The following BCAR3 variants were observed in gnomAD, a reference collection of about 807,000 sequenced individuals.
BCAR3 encodes BCAR3 adaptor protein, NSP family member, also known as breast cancer anti-estrogen resistance protein 3.
A neutral mutation model predicts 80.1 loss-of-function variants in BCAR3; 37 were observed. The ratio of observed to expected loss-of-function variants is 0.46; its 90% CI spans 0.36 to 0.61. BCAR3 has a LOEUF of 0.61. Ranked by LOEUF, BCAR3 falls within the 20% of genes least tolerant of loss-of-function variation. The pLI is 0.00. For missense variants in BCAR3, 978 were observed against 1,068.2 expected (o/e 0.92, Z 1.18); for synonymous variants, 389 against 418.9 (o/e 0.93, Z 0.87).
At chr1:93,811,613 T>C (rs148641383) in intron 2 of BCAR3, among the ~76,000 whole-genome samples, 83 of 152,362 alleles carry the variant, frequency 5.4e-4, no homozygotes, top group South Asian at 3.7e-3. Context: ...CCATTTTCCA[T>C]TCTTTGGAAA....
chr1:93,587,701 C>CAAAA (rs71586802), intron 5 of BCAR3, among the ~76,000 whole-genome samples: 2,230 of 143,226 alleles, frequency 0.016, 26 homozygotes, highest in Non-Finnish European at 0.023. Context: ...ACCCCCCCGC[C>CAAAA]AAAAAAAAAA....
intron 2 of BCAR3, among the ~76,000 whole-genome samples, chr1:93,830,047 C>T (rs1205775473): frequency 6.6e-6 from 1 of 152,256 alleles, no homozygotes; most frequent in Non-Finnish European, 1.5e-5. Flanking sequence ...CTTGCTCCCT[C>T]TTTGCCTTCC....
At chr1:93,774,038 G>A (rs972627211) in intron 2 of BCAR3, among the ~76,000 whole-genome samples, 3 of 152,160 alleles carry the variant, frequency 2.0e-5, no homozygotes, top group African/African-American at 7.2e-5. Context: ...TCCCTTTAAA[G>A]TAAGCATATG....
intron 11 of BCAR3, among the ~76,000 whole-genome samples, chr1:93,562,726 C>T (rs992646751): frequency 1.0e-4 from 14 of 139,750 alleles, no homozygotes; most frequent in East Asian, 4.3e-4. Flanking sequence ...AGCGAGACTG[C>T]GCCACTGCAC....
At chr1:93,734,809 T>A (rs368724492) in intron 2 of BCAR3, among the ~76,000 whole-genome samples, 1 of 152,166 alleles carries the variant, frequency 6.6e-6, no homozygotes, top group Admixed American at 6.5e-5. Context: ...TCTGACACCA[T>A]GTTAAGGCAG....
chr1:93,801,309 G>C lies in BCAR3; in HGVS notation c.-63+44258C>G, dbSNP rs74864134. On this transcript the variant is annotated intron_variant, in intron 2 of 13. Transcript: ENST00000370244. ...GCGGCTTCGTTGTCTTTCTTATTCT[G>C]TATAACTGGCCAATTTATCGCAAGT... 9.9e-5 allele frequency among the ~76,000 whole-genome samples: 15 copies of C among 152,246 alleles called. No individual in the cohort carries two copies. In the East Asian group the frequency reaches 2.9e-3, roughly 29 times the overall value.
Position 93,675,275 on chromosome 1 carries a change from G to A in BCAR3, c.-11-334C>T, listed in dbSNP as rs556065702. Among the ~76,000 whole-genome samples, 64 of 152,190 alleles carry A rather than the reference G, an allele frequency of 4.2e-4. 1 individual carries two copies. Among genetic ancestry groups the A allele is most frequent in the South Asian group, 8.3e-4 (4 of 4,834 alleles). On this transcript the variant is annotated intron_variant, in intron 1 of 11. Coordinates refer to ENST00000260502, the MANE Select transcript of BCAR3 (RefSeq NM_003567.4). ...CTCATAGTTGCAGTAATAAATGTAC[G>A]AAAGAAAATATTATAAACTGTTAGA...
Position 93,818,072 on chromosome 1 carries a change from T to C in BCAR3, c.-63+27495A>G, listed in dbSNP as rs139173554. Among the ~76,000 whole-genome samples, 789 of 152,378 alleles carry C rather than the reference T, an allele frequency of 5.2e-3. 2 individuals carry two copies. Among genetic ancestry groups the C allele is most frequent in the Non-Finnish European group, 8.8e-3 (597 of 68,040 alleles). On this transcript the variant is annotated intron_variant, in intron 2 of 13. Transcript: ENST00000370244. ...TGAGTGTTAACCACGTGCCACTTTATGGTACTCTTAATACTGCTGACTTTG... is the reference window on the plus strand; with the variant it reads ...TGAGTGTTAACCACGTGCCACTTTACGGTACTCTTAATACTGCTGACTTTG...
At chr1:93,584,467 T>G (rs1434657512) in intron 5 of BCAR3, among the ~76,000 whole-genome samples, 3 of 152,232 alleles carry the variant, frequency 2.0e-5, no homozygotes, top group Non-Finnish European at 4.4e-5. Context: ...TGTGTACTTT[T>G]AACAGAGCCT....
Position 93,589,020 on chromosome 1 carries a change from C to CGAGA in BCAR3, c.885_886insTCTC (p.Val296SerfsTer23). ...GGCAAATTCTGCTCTCGGGCCTGGA[C>CGAGA]GCCACCCATGGTGAGGCTCAGCCTC... On this transcript the variant is annotated frameshift_variant, in exon 5 of 12. Coordinates refer to ENST00000260502, the MANE Select transcript of BCAR3 (RefSeq NM_003567.4). LOFTEE classifies it high-confidence loss of function. 6.3e-7 allele frequency: 1 copy of CGAGA among 1,599,898 alleles called. No homozygotes were observed. Among genetic ancestry groups the CGAGA allele is most frequent in the South Asian group, 1.1e-5 (1 of 89,908 alleles).
intron 5 of BCAR3, among the ~76,000 whole-genome samples, chr1:93,587,281 C>T (rs1053099938): frequency 6.6e-6 from 1 of 152,198 alleles, no homozygotes; most frequent in African/African-American, 2.4e-5. Context: ...CCACCTTAGC[C>T]TCCCAAAGTG....
chr1:93,719,343 T>G (rs1489334649), intron 2 of BCAR3, among the ~76,000 whole-genome samples: 1 of 130,832 alleles, frequency 7.6e-6, no homozygotes, highest in Non-Finnish European at 1.6e-5. Context: ...TGTTTTTTTT[T>G]TTTTTTTTTT....
Position 93,588,991 on chromosome 1 carries a change from C to T in BCAR3, c.915G>A (p.Arg305=), listed in dbSNP as rs769297779. The stretch of plus-strand genomic sequence containing the variant: ...CCCTGACCTACCTGAGGAGGTTTCC[C>T]CTGGGCAAATTCTGCTCTCGGGCCT... ...GVQAREQNLP[R]GNLLRNKEKS... is the part of the protein sequence containing the mutation. The change falls in exon 5 of 12, where the codon AGG becomes AGA. Residue 305 remains arginine (R), a synonymous_variant. Coordinates refer to ENST00000260502, the MANE Select transcript of BCAR3 (RefSeq NM_003567.4). 6.3e-7 allele frequency: 1 copy of T among 1,575,696 alleles called. No homozygotes were observed. Among genetic ancestry groups the T allele is most frequent in the Non-Finnish European group, 8.7e-7 (1 of 1,155,828 alleles).
At chr1:93,692,955 C>G (rs773029891) in intron 3 of BCAR3, among the ~76,000 whole-genome samples, 8 of 152,134 alleles carry the variant, frequency 5.3e-5, no homozygotes, top group Non-Finnish European at 8.8e-5. Flanking sequence ...CACAGTCAAG[C>G]CTCTACATAC....
intron 3 of BCAR3, among the ~76,000 whole-genome samples, chr1:93,693,537 T>C (rs893133765): frequency 6.6e-6 from 1 of 152,238 alleles, no homozygotes; most frequent in East Asian, 1.9e-4. Flanking sequence ...GCCTTTCTTG[T>C]GGACTGGGTA....
chr1:93,581,938 ATAAAT>A (rs998385030), intron 7 of BCAR3, among the ~76,000 whole-genome samples: 72 of 152,320 alleles, frequency 4.7e-4, no homozygotes, highest in African/African-American at 1.5e-3. Context: ...GGGGTAGTTT[ATAAAT>A]AAGCACCAGG....
chr1:93,815,641 T>C (rs572754717), intron 2 of BCAR3, among the ~76,000 whole-genome samples: 5 of 152,274 alleles, frequency 3.3e-5, no homozygotes, highest in South Asian at 4.1e-4. Flanking sequence ...TTTTCATCCA[T>C]GTGTGAGATA....
chr1:93,837,433 C>T, intron 2 of BCAR3, among the ~76,000 whole-genome samples: 1 of 152,212 alleles, frequency 6.6e-6, no homozygotes, highest in Non-Finnish European at 1.5e-5. Flanking sequence ...TTCTTCATTC[C>T]CCAAAACTTC....
chr1:93,645,660 AT>A (rs1307316164), intron 2 of BCAR3, among the ~76,000 whole-genome samples: 6 of 148,816 alleles, frequency 4.0e-5, no homozygotes, highest in Non-Finnish European at 8.9e-5. Flanking sequence ...GTGTGTGTAT[AT>A]ATATGTATCC....
Sources: gnomAD v4.1 joint callset for allele counts (sites outside exome capture counted in the v4.1 genomes callset) on GRCh38, gnomAD v4.1.1 for gene constraint, MANE v1.5 for transcripts, NCBI Gene and HGNC (gene_info 2026-07-23, HGNC 2026-07-21) for gene names.